Variants in ADAMTS14 observed in about 807,000 individuals in gnomAD.
ADAMTS14 encodes A disintegrin and metalloproteinase with thrombospondin motifs 14.
Under a neutral mutation model 128.6 loss-of-function variants are expected in ADAMTS14, and 100 were observed. That is an observed-to-expected ratio of 0.78 (90% CI 0.66 to 0.92). The LOEUF is 0.92. Ranked by LOEUF, ADAMTS14 falls within the 40% of genes least tolerant of loss-of-function variation. ADAMTS14 has a pLI of 0.00. For synonymous variants in ADAMTS14, 665 were observed against 653.8 expected, an observed-to-expected ratio of 1.02 and a Z score of -0.26; for missense variants, 1,562 against 1,658.6, an observed-to-expected ratio of 0.94 and a Z score of 1.01.
Position 70,761,716 on chromosome 10 carries a change from G to A in ADAMTS14, c.*863G>A, listed in dbSNP as rs1458353049. ...TTCAATTATCACTCTCAGCCTGGAAGGGGACTCTGTGGGACACAGAGGGAA... is the reference window on the plus strand; with the variant it reads ...TTCAATTATCACTCTCAGCCTGGAAAGGGACTCTGTGGGACACAGAGGGAA... On this transcript the variant is annotated 3_prime_UTR_variant, in exon 22 of 22. Transcript: ENST00000373207. The A allele has an allele frequency of 6.6e-6, 1 of 152,262 alleles. No individual in the cohort carries two copies. The highest frequency in any genetic ancestry group is 2.4e-5 in the African/African-American group (1 of 41,450). 9.4% of individuals were successfully genotyped at this position (152,262 alleles called of 1,614,324 possible). A position where few individuals can be genotyped will look rare whatever the true frequency, so the allele number is the denominator to read the frequency against.
rs1199396508 is a variant in ADAMTS14 at position 70,760,705 on chromosome 10, C to T, written c.3524C>T (p.Ala1175Val). ...GCCCCTGAGACACCAATCCCTGGAGCATCCTGGAGCATCTCCCCTACCACC... is the reference window on the plus strand; with the variant it reads ...GCCCCTGAGACACCAATCCCTGGAGTATCCTGGAGCATCTCCCCTACCACC... Reference protein sequence around the residue: ...PFAPETPIPGASWSISPTTPG... With the variant: ...PFAPETPIPGVSWSISPTTPG... The change falls in exon 22 of 22, where the codon GCA becomes GTA. Residue 1175 changes from alanine to valine, a missense_variant. By Grantham distance (64) the Ala-to-Val change is moderately conservative. Transcript: ENST00000373207. The T allele has an allele frequency of 1.9e-6, 3 of 1,614,126 alleles. No individual in the cohort carries two copies. Among genetic ancestry groups the T allele is most frequent in the East Asian group, 4.5e-5 (2 of 44,884 alleles).
chr10:70,684,840 GCCTGGGT>G (rs146647999), intron 2 of ADAMTS14, among the ~76,000 whole-genome samples: 26,705 of 151,838 alleles, frequency 0.18, 2,844 homozygotes, highest in Middle Eastern at 0.25. Context: ...GAGGCCCCGG[GCCTGGGT>G]CCTGGGTCCT....
In ADAMTS14 at chr10:70,729,331, A is replaced by C; in HGVS notation, c.908A>C (p.His303Pro). 1.2e-6 allele frequency: 2 copies of C among 1,614,000 alleles called. No individual in the cohort carries two copies. Among genetic ancestry groups the C allele is most frequent in the African/African-American group, 2.7e-5 (2 of 75,012 alleles). ...EIYHDESLGV[H>P]INIALVRLIM... ...TACCACGATGAGTCCCTGGGGGTTC[A>C]TATAAATATTGCCCTCGTCCGCTTG... Residue 303 changes from histidine to proline, a missense_variant, in exon 5 of 22, where the codon CAT (histidine) becomes CCT (proline). Coordinates refer to ENST00000373207, the MANE Select transcript of ADAMTS14 (RefSeq NM_080722.4).
rs1435777351 is a variant in ADAMTS14 at position 70,758,052 on chromosome 10, C to T, written c.3028C>T (p.Pro1010Ser). The change falls in exon 20 of 22, where the codon CCA becomes TCA. Residue 1010 changes from proline to serine, a missense_variant. Coordinates refer to ENST00000373207, the MANE Select transcript of ADAMTS14 (RefSeq NM_080722.4). Reference protein sequence around the residue: ...NSLGHCEGDRPDTVQVCSLPA... With the variant: ...NSLGHCEGDRSDTVQVCSLPA... ...CCTCGGGCATTGCGAGGGGGATAGG[C>T]CAGACACTGTCCAGGTCTGCAGCCT... The T allele has an allele frequency of 1.2e-6, 2 of 1,613,502 alleles. No homozygotes were observed. The highest frequency in any genetic ancestry group is 1.7e-5 in the Admixed American group (1 of 59,968).
intron 2 of ADAMTS14, among the ~76,000 whole-genome samples, chr10:70,689,328 G>T (rs1177533004): frequency 6.9e-6 from 1 of 144,780 alleles, no homozygotes; most frequent in Non-Finnish European, 1.6e-5. Flanking sequence ...GCACCAACCA[G>T]TTCATCCCCC....
chr10:70,760,549 G>C lies in ADAMTS14; in HGVS notation c.3368G>C (p.Gly1123Ala), dbSNP rs371786855. 6.3e-5 allele frequency: 101 copies of C among 1,612,206 alleles called. No homozygotes were observed. Among genetic ancestry groups the C allele is most frequent in the African/African-American group, 9.4e-5 (7 of 74,866 alleles). ...PFSTPGSPLP[G>A]PQDPADAAEP... Reference sequence around the variant, plus strand: ...TCCACTCCTGGAAGCCCCTTACCAGGACCCCAGGACCCTGCAGATGCTGCA... The same window carrying C: ...TCCACTCCTGGAAGCCCCTTACCAGCACCCCAGGACCCTGCAGATGCTGCA... Residue 1123 changes from glycine (G) to alanine (A), a missense_variant, in exon 22 of 22, where the codon GGA (glycine) becomes GCA (alanine). Transcript: ENST00000373207.
chr10:70,687,279 C>T (rs1194035474), intron 2 of ADAMTS14, among the ~76,000 whole-genome samples: 6 of 107,164 alleles, frequency 5.6e-5, no homozygotes, highest in East Asian at 6.6e-4. Context: ...GCTGGCCGGG[C>T]GTGGGGCTGA....
chr10:70,721,456 G>A (rs903739770), intron 4 of ADAMTS14, among the ~76,000 whole-genome samples: 1 of 151,450 alleles, frequency 6.6e-6, no homozygotes, highest in Non-Finnish European at 1.5e-5. Context: ...TGCGATCTCA[G>A]CTCACTGCAA....
intron 4 of ADAMTS14, among the ~76,000 whole-genome samples, 158 bp downstream of exon 4, chr10:70,708,936 G>A (rs576308443): frequency 1.3e-5 from 2 of 152,236 alleles, no homozygotes; most frequent in East Asian, 3.9e-4. Context: ...AGCCCAGAAG[G>A]CACACCCTTG....
intron 1 of ADAMTS14, 125 bp from the exon 2 acceptor site, chr10:70,674,431 G>A: frequency 2.1e-6 from 2 of 939,968 alleles, no homozygotes; most frequent in Non-Finnish European, 3.2e-6. Flanking sequence ...GGTGAACTCA[G>A]GCTAAGGGGC....
chr10:70,754,109 C>A (rs10999512), intron 19 of ADAMTS14, 102 bp downstream of exon 19: 24,605 of 1,122,602 alleles, frequency 0.022, 1,400 homozygotes, highest in Admixed American at 0.16. Context: ...CTGAATGGCT[C>A]CCCCTACATC....
At chr10:70,742,402 T>C (rs1461860957) in intron 12 of ADAMTS14, among the ~76,000 whole-genome samples, 1 of 152,064 alleles carries the variant, frequency 6.6e-6, no homozygotes, top group Non-Finnish European at 1.5e-5. Context: ...ATCCTGCCTG[T>C]CCTGGGTTGG....
In ADAMTS14 at chr10:70,741,084, C is replaced by G; in HGVS notation, c.1846C>G (p.Gln616Glu). ...TGGGACCTACGAGGACTTCCGGGCC[C>G]AGCAGTGTGCCAAGCGCAACTCCTA... is the stretch of plus-strand genomic sequence containing the variant. The part of the protein sequence containing the change: ...CPGTYEDFRA[Q>E]QCAKRNSYYV... The change falls in exon 12 of 22, where the codon CAG becomes GAG. Residue 616 changes from glutamine (Q) to glutamate (E), a missense_variant. Coordinates refer to ENST00000373207, the MANE Select transcript of ADAMTS14 (RefSeq NM_080722.4). 6.2e-7 allele frequency: 1 copy of G among 1,613,988 alleles called. No individual in the cohort carries two copies. The highest frequency in any genetic ancestry group is 1.1e-5 in the South Asian group (1 of 91,082).
At chr10:70,684,562 C>G (rs1244477826) in intron 2 of ADAMTS14, among the ~76,000 whole-genome samples, 1 of 152,268 alleles carries the variant, frequency 6.6e-6, no homozygotes, top group Non-Finnish European at 1.5e-5. Context: ...TTTGACGTCT[C>G]TGAGCCTCAG....
rs1380141730 is a variant in ADAMTS14, at chr10:70,732,155, A to G, written c.1103-99A>G. On this transcript the variant is annotated intron_variant, in intron 6 of 21. Coordinates refer to ENST00000373207, the MANE Select transcript of ADAMTS14 (RefSeq NM_080722.4). Reference sequence around the variant, plus strand: ...CTTCCTCCAGGAACGTCCCCACTCCAAGCACTGACCAGAGGGCTGGGCTGG... The same window carrying G: ...CTTCCTCCAGGAACGTCCCCACTCCGAGCACTGACCAGAGGGCTGGGCTGG... 5.7e-6 allele frequency: 6 copies of G among 1,061,102 alleles called. No individual in the cohort carries two copies. In the East Asian group the frequency reaches 1.5e-4, roughly 27 times the overall value. 65.7% of individuals were successfully genotyped at this position (1,061,102 alleles called of 1,614,324 possible).
rs77051524 is a variant in ADAMTS14, at chr10:70,698,940, G to A, written c.523-3372G>A. ...TAGGGGTAAGAATCCTGGGGAGTGG[G>A]AGGGACCATTTCTTTTATGGGCTGT... On this transcript the variant is annotated intron_variant, in intron 2 of 21. Coordinates refer to ENST00000373207, the MANE Select transcript of ADAMTS14 (RefSeq NM_080722.4). 3.9e-3 allele frequency among the ~76,000 whole-genome samples: 597 copies of A among 152,260 alleles called. 4 individuals are homozygous for A. The highest frequency in any genetic ancestry group is 0.014 in the African/African-American group (571 of 41,536).
At chr10:70,737,030 G>A (rs529103992) in intron 10 of ADAMTS14, among the ~76,000 whole-genome samples, 1 of 152,326 alleles carries the variant, frequency 6.6e-6, no homozygotes, top group East Asian at 1.9e-4. Flanking sequence ...GTAATTGGCT[G>A]AGGGTAGCAT....
rs1218563147 is a variant in ADAMTS14, at chr10:70,729,360, A to G, written c.937A>G (p.Met313Val). ...HINIALVRLI[M>V]VGYRQSLSLI... ...AAATATTGCCCTCGTCCGCTTGATCATGGTTGGCTACCGACAGGTAAACCA... is the reference window on the plus strand; with the variant it reads ...AAATATTGCCCTCGTCCGCTTGATCGTGGTTGGCTACCGACAGGTAAACCA... The change falls in exon 5 of 22, where the codon ATG becomes GTG. Residue 313 changes from methionine (M) to valine (V), a missense_variant. Transcript: ENST00000373207. 5 of 1,613,740 alleles carry G rather than the reference A, an allele frequency of 3.1e-6. No homozygotes were observed. The highest frequency in any genetic ancestry group is 2.2e-5 in the East Asian group (1 of 44,874).
chr10:70,680,497 A>G (rs1194350317), intron 2 of ADAMTS14, among the ~76,000 whole-genome samples: 2 of 152,230 alleles, frequency 1.3e-5, no homozygotes, highest in Non-Finnish European at 2.9e-5. Flanking sequence ...TCGTAATTCC[A>G]AGGAAATAGT....
Sources: allele counts gnomAD v4.1 joint callset (sites outside exome capture counted in the v4.1 genomes callset), GRCh38; gene constraint gnomAD v4.1.1; transcripts MANE v1.5; gene names NCBI Gene and HGNC (gene_info 2026-07-23, HGNC 2026-07-21).